The following MPZL1 variants were observed in gnomAD, a reference collection of about 807,000 sequenced individuals.
MPZL1 encodes the protein myelin protein zero-like protein 1.
Under a neutral mutation model 29.3 loss-of-function variants are expected in MPZL1, and 16 were observed. The observed-to-expected ratio is 0.55, with a 90% CI of 0.37 to 0.83. The LOEUF is 0.83. MPZL1 is among the 40% of genes least tolerant of loss of function. MPZL1 has a pLI of 0.00. For synonymous variants in MPZL1, 143 were observed against 132.0 expected (o/e 1.08, Z -0.57); for missense variants, 279 against 332.9 (o/e 0.84, Z 1.26).
At chr1:167,759,856 CA>C (rs1660945153) in intron 1 of MPZL1, among the ~76,000 whole-genome samples, 2 of 152,122 alleles carry the variant, frequency 1.3e-5, no homozygotes, top group Non-Finnish European at 2.9e-5. Flanking sequence ...GTGGCTGCTG[CA>C]ACATATTTGA....
At chr1:167,780,068 T>C (rs1035990274) in intron 5 of MPZL1, among the ~76,000 whole-genome samples, 3 of 152,096 alleles carry the variant, frequency 2.0e-5, no homozygotes, top group African/African-American at 4.8e-5. Context: ...ACTGAGAGAA[T>C]TGGAAGGAAA....
intron 1 of MPZL1, among the ~76,000 whole-genome samples, chr1:167,746,082 A>G (rs1422760833): frequency 6.6e-6 from 1 of 152,072 alleles, no homozygotes; most frequent in African/African-American, 2.4e-5. Flanking sequence ...ATTCATTTAT[A>G]CTTCAGAAAA....
At chr1:167,730,243 G>T (rs1010510555) in intron 1 of MPZL1, among the ~76,000 whole-genome samples, 47 of 152,114 alleles carry the variant, frequency 3.1e-4, no homozygotes, top group African/African-American at 1.1e-3. Context: ...TGCTCCTCAG[G>T]GATTTTTAAT....
chr1:167,761,655 A>C (rs189526456), intron 1 of MPZL1, among the ~76,000 whole-genome samples: 1 of 152,200 alleles, frequency 6.6e-6, no homozygotes, highest in Non-Finnish European at 1.5e-5. Flanking sequence ...TGGAAAGCAG[A>C]TGGATTAGGG....
chr1:167,763,511 AAAAG>A (rs971023930), intron 1 of MPZL1, among the ~76,000 whole-genome samples: 18 of 151,902 alleles, frequency 1.2e-4, no homozygotes, highest in East Asian at 3.9e-4. Context: ...AAAAAAAAAA[AAAAG>A]AAAGAAAGAA....
intron 1 of MPZL1, among the ~76,000 whole-genome samples, chr1:167,736,824 T>C (rs1660387333): frequency 6.6e-6 from 1 of 152,160 alleles, no homozygotes. Context: ...GAGGGATCTC[T>C]CTCTTGGGCA....
chr1:167,745,379 T>C (rs1460585417), intron 1 of MPZL1, among the ~76,000 whole-genome samples: 2 of 152,230 alleles, frequency 1.3e-5, no homozygotes, highest in East Asian at 3.9e-4. Flanking sequence ...ACTAATAGTG[T>C]GAATAGAAGA....
chr1:167,722,015 G>C lies in MPZL1; in HGVS notation c.-137G>C. On this transcript the variant is annotated 5_prime_UTR_variant, in exon 1 of 6. Transcript: ENST00000359523. ...GGAGAGCCGCGGCTGGGACCGGAGTGGGGAGCGCGGCGTGGAGGTGCCACC... is the reference window on the plus strand; with the variant it reads ...GGAGAGCCGCGGCTGGGACCGGAGTCGGGAGCGCGGCGTGGAGGTGCCACC... 2.5e-6 allele frequency: 3 copies of C among 1,177,616 alleles called. No individual in the cohort carries two copies. The highest frequency in any genetic ancestry group is 2.1e-6 in the Non-Finnish European group (2 of 939,272). The allele number at this position is 1,177,616 out of a possible 1,614,324, so 72.9% of individuals were successfully genotyped here.
At chr1:167,770,561 A>G (rs977204596) in intron 2 of MPZL1, among the ~76,000 whole-genome samples, 7 of 152,244 alleles carry the variant, frequency 4.6e-5, no homozygotes, top group East Asian at 1.9e-4. Context: ...TGACTTTTCC[A>G]TAGGAAACCA....
At chr1:167,781,669 AAAG>A (rs1248876937) in intron 5 of MPZL1, among the ~76,000 whole-genome samples, 2 of 152,168 alleles carry the variant, frequency 1.3e-5, no homozygotes. Flanking sequence ...GAAACTAGAA[AAAG>A]AAGAGCAAAT....
intron 1 of MPZL1, among the ~76,000 whole-genome samples, chr1:167,728,081 C>T (rs1191650710): frequency 1.4e-5 from 2 of 146,866 alleles, no homozygotes; most frequent in African/African-American, 5.1e-5. Context: ...CTCCTGTTGC[C>T]CAGGCTGGAG....
chr1:167,724,532 G>GT (rs1480661973), intron 1 of MPZL1, among the ~76,000 whole-genome samples: 1 of 152,214 alleles, frequency 6.6e-6, no homozygotes, highest in Non-Finnish European at 1.5e-5. Context: ...TAGAAAGTAC[G>GT]TTTGATAGAG....
rs748640490 is a variant in MPZL1, at chr1:167,765,671, C to T, written c.180C>T (p.Phe60=). 2 of 1,613,784 alleles carry T rather than the reference C, an allele frequency of 1.2e-6. No individual in the cohort carries two copies. The highest frequency in any genetic ancestry group is 1.7e-6 in the Non-Finnish European group (2 of 1,179,816). ...NGTQGKLTCK[F]KSTSTTGGLT... ...CACAAGGGAAGCTGACCTGCAAGTTCAAGTCTACTAGTACGACTGGCGGGT... is the reference window on the plus strand; with the variant it reads ...CACAAGGGAAGCTGACCTGCAAGTTTAAGTCTACTAGTACGACTGGCGGGT... The change falls in exon 2 of 6, where the codon TTC becomes TTT. Residue 60 remains phenylalanine (F), a synonymous_variant. Coordinates refer to ENST00000359523, the MANE Select transcript of MPZL1 (RefSeq NM_003953.6).
At chr1:167,752,021 G>A (rs1023293019) in intron 1 of MPZL1, among the ~76,000 whole-genome samples, 5 of 152,044 alleles carry the variant, frequency 3.3e-5, no homozygotes, top group African/African-American at 9.7e-5. Context: ...AGAATCCTCC[G>A]TGATGCCCAC....
chr1:167,787,056 T>A (rs1661607354), intron 5 of MPZL1: 1 of 152,190 alleles, frequency 6.6e-6, no homozygotes, highest in African/African-American at 2.4e-5. Context: ...TCCCTGGAAT[T>A]GTAACCTCTT....
At position 167,722,091 on chromosome 1, in the gene MPZL1, C is replaced by G. The variant is rs1660039906; in HGVS notation, c.-61C>G. ...AGCCTCTTCCCCAAGCCGAGCCAAC[C>G]TCAGCGGGGACCCGGGCTCAGGGAC... is the stretch of plus-strand genomic sequence containing the variant. On this transcript the variant is annotated 5_prime_UTR_variant, in exon 1 of 6. Transcript: ENST00000359523. The G allele has an allele frequency of 8.1e-7, 1 of 1,231,988 alleles. No individual in the cohort carries two copies. The highest frequency in any genetic ancestry group is 1.0e-6 in the Non-Finnish European group (1 of 987,746). The allele number at this position is 1,231,988 out of a possible 1,614,324, so 76.3% of individuals were successfully genotyped here.
chr1:167,775,010 A>G (rs1032544545), intron 4 of MPZL1, among the ~76,000 whole-genome samples: 2 of 152,224 alleles, frequency 1.3e-5, no homozygotes, highest in African/African-American at 2.4e-5. Flanking sequence ...TGAGCATACT[A>G]TCTGGATGAA....
chr1:167,739,282 C>CATATATATATATATATATATAT (rs71959233), intron 1 of MPZL1, among the ~76,000 whole-genome samples: 5 of 90,396 alleles, frequency 5.5e-5, no homozygotes, highest in African/African-American at 2.5e-4. Context: ...TACATATATA[C>CATATATATATATATATATATAT]ATATATATAT....
chr1:167,741,253 C>A (rs1170784855), intron 1 of MPZL1, among the ~76,000 whole-genome samples: 1 of 144,036 alleles, frequency 6.9e-6, no homozygotes, highest in Admixed American at 7.3e-5. Context: ...ACCTCTTGGG[C>A]TCAAGTGATC....
Sources: allele counts gnomAD v4.1 joint callset (sites outside exome capture counted in the v4.1 genomes callset), GRCh38; gene constraint gnomAD v4.1.1; transcripts MANE v1.5; gene names NCBI Gene and HGNC (gene_info 2026-07-23, HGNC 2026-07-21).